Variants in CNTNAP4 observed in about 807,000 individuals in gnomAD.
The protein encoded by CNTNAP4 is contactin-associated protein-like 4.
CNTNAP4 carries 98 observed loss-of-function variants against 148.4 expected under a neutral mutation model. The observed-to-expected ratio is 0.66, with a 90% CI of 0.56 to 0.78. CNTNAP4 has a LOEUF of 0.78. Among genes scored for constraint, CNTNAP4 ranks in the 30% least tolerant of loss-of-function variants. The pLI, the probability that CNTNAP4 is intolerant of heterozygous loss-of-function variation, is 0.00. For missense variants in CNTNAP4, 1,935 were observed against 1,565.6 expected (o/e 1.24, Z -3.98); for synonymous variants, 730 against 565.1 (o/e 1.29, Z -4.14).
chr16:76,438,396 T>C (rs1055426406), intron 4 of CNTNAP4, among the ~76,000 whole-genome samples: 1 of 152,168 alleles, frequency 6.6e-6, no homozygotes, highest in Admixed American at 6.6e-5. Flanking sequence ...TAGAGGAATT[T>C]GTTAAACACC....
intron 12 of CNTNAP4, among the ~76,000 whole-genome samples, chr16:76,486,804 C>T (rs2082046562): frequency 6.6e-6 from 1 of 152,084 alleles, no homozygotes; most frequent in African/African-American, 2.4e-5. Context: ...CAGGCACCCT[C>T]TGTAAGCCCA....
chr16:76,464,443 G>C lies in CNTNAP4; in HGVS notation c.1483+2338G>C, dbSNP rs1051730344. On this transcript the variant is annotated intron_variant, in intron 9 of 23. Coordinates refer to ENST00000611870, the MANE Select transcript of CNTNAP4 (RefSeq NM_033401.5). ...GGAACAACCTCCTTCCCCCAGTCCT[G>C]GGGAACTGTGACAGTCGTTCCCCCT... Among the ~76,000 whole-genome samples, 3 of 152,112 alleles carry C rather than the reference G, an allele frequency of 2.0e-5. No homozygotes were observed. In the East Asian group the frequency reaches 5.8e-4, roughly 29 times the overall value.
intron 7 of CNTNAP4, among the ~76,000 whole-genome samples, chr16:76,450,473 A>G (rs992159197): frequency 3.3e-5 from 5 of 152,166 alleles, no homozygotes; most frequent in Admixed American, 6.6e-5. Context: ...TTTAAATAAG[A>G]TATTCCCTGA....
chr16:76,309,437 T>C (rs958521488), intron 1 of CNTNAP4, among the ~76,000 whole-genome samples: 2 of 152,044 alleles, frequency 1.3e-5, no homozygotes, highest in East Asian at 3.9e-4. Flanking sequence ...TATGCCCTGG[T>C]TGGAGGCCTT....
intron 3 of CNTNAP4, among the ~76,000 whole-genome samples, chr16:76,364,067 T>A (rs2013782076): frequency 6.6e-6 from 1 of 151,772 alleles, no homozygotes; most frequent in South Asian, 2.1e-4. Context: ...TAAAATCCTG[T>A]ATCTATTAAG....
chr16:76,522,700 T>C (rs1311974570), intron 17 of CNTNAP4, among the ~76,000 whole-genome samples: 3,869 of 21,882 alleles, frequency 0.18, 595 homozygotes, highest in Admixed American at 0.26. Flanking sequence ...TCTTTTCTTT[T>C]CTTTTCTTTT....
chr16:76,315,562 T>C (rs1310337936), intron 1 of CNTNAP4, among the ~76,000 whole-genome samples: 3 of 152,218 alleles, frequency 2.0e-5, no homozygotes, highest in Non-Finnish European at 4.4e-5. Flanking sequence ...TTTTTGCTGA[T>C]ATATTTGAGG....
rs756727412 is a variant in CNTNAP4, at chr16:76,462,130, GA to G, written c.1483+26del. On this transcript the variant is annotated intron_variant, in intron 9 of 23. Coordinates refer to ENST00000611870, the MANE Select transcript of CNTNAP4 (RefSeq NM_033401.5). ...GGTAAGAATAGGTGCCAGGCTCTAT[GA>G]GCAACTGAACCATATTTGCATTAGT... 7 of 1,591,770 alleles carry G rather than the reference GA, an allele frequency of 4.4e-6. No homozygotes were observed. In the African/African-American group the frequency reaches 8.1e-5, roughly 18 times the overall value.
intron 15 of CNTNAP4, among the ~76,000 whole-genome samples, chr16:76,504,277 G>A (rs566985499): frequency 6.6e-6 from 1 of 151,944 alleles, no homozygotes; most frequent in African/African-American, 2.4e-5. Flanking sequence ...AGAATAGAGA[G>A]CCCAAAAATA....
intron 2 of CNTNAP4, among the ~76,000 whole-genome samples, chr16:76,317,611 C>T (rs982896128): frequency 6.6e-6 from 1 of 152,168 alleles, no homozygotes; most frequent in Non-Finnish European, 1.5e-5. Flanking sequence ...CTCGTGGCAA[C>T]ATCAGTCAGT....
intron 2 of CNTNAP4, among the ~76,000 whole-genome samples, chr16:76,326,625 A>G (rs1963001505): frequency 6.6e-6 from 1 of 152,220 alleles, no homozygotes; most frequent in African/African-American, 2.4e-5. Flanking sequence ...GCCATAAAAA[A>G]TGATGAGTTC....
intron 2 of CNTNAP4, among the ~76,000 whole-genome samples, chr16:76,354,871 A>T (rs1339787191): frequency 4.6e-5 from 7 of 152,186 alleles, no homozygotes. Context: ...CCCTTCTCTA[A>T]GTCTAAACAT....
chr16:76,448,768 T>G lies in CNTNAP4; in HGVS notation c.744T>G (p.Gly248=). Residue 248 remains glycine (G), a splice_region_variant and synonymous_variant, in exon 6 of 24, where the codon GGT becomes GGG. Coordinates refer to ENST00000611870, the MANE Select transcript of CNTNAP4 (RefSeq NM_033401.5). ...CTGTTATTTTTCTCCTCTTCTAAGG[T>G]GAAGCTAAACTGCCTTCCACTTCCA... ...RARLFLLINS[G]EAKLPSTSTL... 6.2e-7 allele frequency: 1 copy of G among 1,600,220 alleles called. No homozygotes were observed. The highest frequency in any genetic ancestry group is 1.1e-5 in the South Asian group (1 of 88,416).
intron 10 of CNTNAP4, among the ~76,000 whole-genome samples, chr16:76,469,068 C>T (rs2081278463): frequency 6.6e-6 from 1 of 152,160 alleles, no homozygotes; most frequent in Non-Finnish European, 1.5e-5. Context: ...ATGGACCACT[C>T]AGTAATATTT....
At chr16:76,359,939 G>A (rs964988413) in intron 3 of CNTNAP4, among the ~76,000 whole-genome samples, 1 of 152,082 alleles carries the variant, frequency 6.6e-6, no homozygotes, top group Admixed American at 6.5e-5. Flanking sequence ...AACTTTACAG[G>A]CAAATTCTCC....
chr16:76,490,811 G>A (rs547008013), intron 13 of CNTNAP4, among the ~76,000 whole-genome samples: 1 of 152,166 alleles, frequency 6.6e-6, no homozygotes, highest in Non-Finnish European at 1.5e-5. Flanking sequence ...CCTCAAACAC[G>A]TATTTTCTAG....
intron 3 of CNTNAP4, among the ~76,000 whole-genome samples, chr16:76,402,690 G>C (rs2078459892): frequency 6.6e-6 from 1 of 152,072 alleles, no homozygotes; most frequent in Non-Finnish European, 1.5e-5. Flanking sequence ...ATGGGGCATT[G>C]AGTGCCATGA....
intron 21 of CNTNAP4, among the ~76,000 whole-genome samples, chr16:76,543,105 G>T (rs2084534243): frequency 6.6e-6 from 1 of 152,100 alleles, no homozygotes; most frequent in South Asian, 2.1e-4. Context: ...ATCCAAATAT[G>T]CATATCATAT....
chr16:76,392,059 C>T (rs1455718883), intron 3 of CNTNAP4, among the ~76,000 whole-genome samples: 2 of 152,158 alleles, frequency 1.3e-5, no homozygotes, highest in Non-Finnish European at 2.9e-5. Context: ...GGCACAATCT[C>T]GGCTCACTGC....
Sources: allele counts gnomAD v4.1 joint callset (sites outside exome capture counted in the v4.1 genomes callset), GRCh38; gene constraint gnomAD v4.1.1; transcripts MANE v1.5; gene names NCBI Gene and HGNC (gene_info 2026-07-23, HGNC 2026-07-21).